Variants in EDEM3 observed in about 807,000 individuals in gnomAD.
EDEM3 encodes ER degradation-enhancing alpha-mannosidase-like protein 3.
Under a neutral mutation model 110.2 loss-of-function variants are expected in EDEM3, and 60 were observed. The observed-to-expected ratio is 0.54, with a 90% CI of 0.44 to 0.67. The LOEUF is 0.67. Ranked by LOEUF, EDEM3 falls within the 30% of genes least tolerant of loss-of-function variation. The pLI, the probability that EDEM3 is intolerant of heterozygous loss-of-function variation, is 0.00. For synonymous variants in EDEM3, 352 were observed against 382.9 expected, an observed-to-expected ratio of 0.92 and a Z score of 0.94; for missense variants, 996 against 1,121.0, an observed-to-expected ratio of 0.89 and a Z score of 1.59.
In EDEM3 at chr1:184,694,073, T is replaced by C; in HGVS notation, c.2789A>G (p.Asp930Gly). 6.2e-7 allele frequency: 1 copy of C among 1,611,930 alleles called. No individual in the cohort carries two copies. The highest frequency in any genetic ancestry group is 8.5e-7 in the Non-Finnish European group (1 of 1,178,806). ...AGATTGTTTAGCAAGTCATAGCTCATCCTTCTCCATCATTTCAAATGCTTC... is the reference window on the plus strand; with the variant it reads ...AGATTGTTTAGCAAGTCATAGCTCACCCTTCTCCATCATTTCAAATGCTTC... ...DIEAFEMMEKDEL is the reference protein window; with the variant it reads ...DIEAFEMMEKGEL The change falls in exon 20 of 20, where the codon GAT becomes GGT. Residue 930 changes from aspartate to glycine, a missense_variant. Physicochemically the swap from Asp to Gly is moderately conservative, Grantham distance 94 (BLOSUM62 -1). Around this residue, in one of 5 missense-constraint regions of EDEM3, gnomAD observed 345 missense variants for 402.0 expected, o/e 0.86. Transcript: ENST00000318130.
At chr1:184,749,978 T>TA (rs2102139351) in intron 1 of EDEM3, among the ~76,000 whole-genome samples, 1 of 152,248 alleles carries the variant, frequency 6.6e-6, no homozygotes, top group African/African-American at 2.4e-5. Flanking sequence ...GACAGCCCTT[T>TA]AAAAAAACCA....
intron 16 of EDEM3, 85 bp downstream of exon 16, chr1:184,710,309 G>A: frequency 6.8e-7 from 1 of 1,475,716 alleles, no homozygotes; most frequent in Non-Finnish European, 9.2e-7. Flanking sequence ...TGTTTAGAAA[G>A]TTGAAATCCA....
intron 2 of EDEM3, among the ~76,000 whole-genome samples, chr1:184,746,897 G>C (rs1457952187): frequency 3.3e-5 from 5 of 151,940 alleles, no homozygotes; most frequent in African/African-American, 1.2e-4. Flanking sequence ...TAGGATAGTA[G>C]GCAACTGACT....
rs775315865 is a variant in EDEM3, at chr1:184,706,765, GAAC to G, written c.2078_2080del (p.Cys693del). On this transcript the variant is annotated inframe_deletion, in exon 18 of 20. Coordinates refer to ENST00000318130, the MANE Select transcript of EDEM3 (RefSeq NM_025191.4). ...CACTGCCTCTGGGTTAGTAAGCTCTGAACAACCATTGGATGGTTTACTGCTTGC... is the reference window on the plus strand; with the variant it reads ...CACTGCCTCTGGGTTAGTAAGCTCTGAACCATTGGATGGTTTACTGCTTGC... 6.2e-7 allele frequency: 1 copy of G among 1,613,868 alleles called. No individual in the cohort carries two copies. Among genetic ancestry groups the G allele is most frequent in the South Asian group, 1.1e-5 (1 of 91,064 alleles).
At chr1:184,730,270 TA>T (rs1651433711) in intron 6 of EDEM3, among the ~76,000 whole-genome samples, 1 of 152,116 alleles carries the variant, frequency 6.6e-6, no homozygotes, top group African/African-American at 2.4e-5. Flanking sequence ...TAAAAATGTA[TA>T]AAAAGATGTG....
At chr1:184,740,615 T>C (rs1244058089) in intron 2 of EDEM3, among the ~76,000 whole-genome samples, 1 of 152,198 alleles carries the variant, frequency 6.6e-6, no homozygotes, top group Non-Finnish European at 1.5e-5. Flanking sequence ...GATAATCCTA[T>C]GTAATAGTTT....
At chr1:184,748,652 A>G (rs1652579787) in intron 2 of EDEM3, among the ~76,000 whole-genome samples, 1 of 152,224 alleles carries the variant, frequency 6.6e-6, no homozygotes, top group Admixed American at 6.5e-5. Context: ...AACATGTTTT[A>G]AAACTAAAAA....
In EDEM3 at chr1:184,741,409, T is replaced by TAAAAATA. The variant is rs957180262; in HGVS notation, c.205-3705_205-3699dup. 1.5e-4 allele frequency among the ~76,000 whole-genome samples: 23 copies of TAAAAATA among 151,682 alleles called. No individual in the cohort carries two copies. In the East Asian group the frequency reaches 2.9e-3, roughly 19 times the overall value. ...AGTGAGACTCCGTCTCAAAAAAAAA[T>TAAAAATA]AAAAATAAAAAATAAAAAATAAAAT... On this transcript the variant is annotated intron_variant, in intron 2 of 19. Transcript: ENST00000318130.
At chr1:184,725,175 A>C (rs896664704) in intron 7 of EDEM3, among the ~76,000 whole-genome samples, 1 of 149,770 alleles carries the variant, frequency 6.7e-6, no homozygotes, top group Non-Finnish European at 1.5e-5. Flanking sequence ...GTATTCAAGA[A>C]TTTTTTTTTT....
At chr1:184,714,645 T>C (rs1295985616) in intron 13 of EDEM3, among the ~76,000 whole-genome samples, 1 of 151,974 alleles carries the variant, frequency 6.6e-6, no homozygotes, top group African/African-American at 2.4e-5. Context: ...TTCCTAACAG[T>C]TTGGATGAAA....
At chr1:184,737,531 T>G (rs1457308335) in intron 3 of EDEM3, 80 bp downstream of exon 3, 92 of 1,325,714 alleles carry the variant, frequency 6.9e-5, no homozygotes, top group Non-Finnish European at 8.7e-5. Flanking sequence ...CCTAGAAATA[T>G]TATTATATGT....
intron 19 of EDEM3, among the ~76,000 whole-genome samples, chr1:184,696,961 T>C (rs960740704): frequency 6.6e-6 from 1 of 151,922 alleles, no homozygotes; most frequent in Non-Finnish European, 1.5e-5. Context: ...AATGTAAATA[T>C]AGAAAAAGAT....
intron 7 of EDEM3, among the ~76,000 whole-genome samples, chr1:184,724,232 T>C (rs1333958534): frequency 6.6e-6 from 1 of 152,114 alleles, no homozygotes; most frequent in Admixed American, 6.6e-5. Context: ...GTTAAAGTAA[T>C]TTCTACCACT....
intron 1 of EDEM3, among the ~76,000 whole-genome samples, chr1:184,751,163 T>C (rs1000603275): frequency 1.3e-5 from 2 of 150,662 alleles, no homozygotes; most frequent in South Asian, 2.1e-4. Context: ...TTTACATATA[T>C]ATATATGTTT....
intron 13 of EDEM3, among the ~76,000 whole-genome samples, chr1:184,713,334 T>C (rs976508838): frequency 2.0e-5 from 3 of 152,154 alleles, no homozygotes; most frequent in Non-Finnish European, 4.4e-5. Flanking sequence ...GATTATAACA[T>C]GCTAAATATT....
intron 5 of EDEM3, among the ~76,000 whole-genome samples, chr1:184,733,869 T>C (rs1361946406): frequency 6.6e-6 from 1 of 151,600 alleles, no homozygotes; most frequent in Non-Finnish European, 1.5e-5. Flanking sequence ...AAACTGTTTG[T>C]TGAGAGGTAA....
chr1:184,727,453 C>T (rs188284192), intron 6 of EDEM3, among the ~76,000 whole-genome samples: 19 of 152,214 alleles, frequency 1.2e-4, no homozygotes, highest in Admixed American at 4.6e-4. Context: ...TAAAACATCA[C>T]GGGTATACTC....
intron 6 of EDEM3, among the ~76,000 whole-genome samples, chr1:184,730,628 T>C (rs2102105689): frequency 6.6e-6 from 1 of 152,216 alleles, no homozygotes; most frequent in South Asian, 2.1e-4. Flanking sequence ...AGAGAGCTAT[T>C]TAAAATATCA....
At chr1:184,703,067 C>A in intron 18 of EDEM3, 71 bp from the exon 19 acceptor site, 1 of 1,210,116 alleles carries the variant, frequency 8.3e-7, no homozygotes, top group South Asian at 2.1e-5. Flanking sequence ...CTAATTGTTA[C>A]TGATTTTTTA....
Sources: allele counts gnomAD v4.1 joint callset (sites outside exome capture counted in the v4.1 genomes callset), GRCh38; gene constraint gnomAD v4.1.1; regional missense constraint gnomAD v4.1.1; transcripts MANE v1.5; gene names NCBI Gene and HGNC (gene_info 2026-07-23, HGNC 2026-07-21).